PPP2R2B: variants seen among roughly 807,000 people sequenced by gnomAD.
The protein encoded by PPP2R2B is protein phosphatase 2 regulatory subunit Bbeta.
Under a neutral mutation model 46.0 loss-of-function variants are expected in PPP2R2B, and 5 were observed. The observed-to-expected ratio is 0.11, with a 90% CI of 0.06 to 0.23. PPP2R2B has a LOEUF of 0.23. Among genes scored for constraint, PPP2R2B ranks in the 10% least tolerant of loss-of-function variants. The pLI is 1.00. For missense variants in PPP2R2B, 367 were observed against 575.0 expected (o/e 0.64, Z 3.70); for synonymous variants, 215 against 206.7 (o/e 1.04, Z -0.34).
intron 2 of PPP2R2B, among the ~76,000 whole-genome samples, chr5:146,850,676 A>G (rs1168946014): frequency 6.6e-6 from 1 of 152,178 alleles, no homozygotes; most frequent in African/African-American, 2.4e-5. Flanking sequence ...TTCCCTGTCT[A>G]GGTCCAATAA....
At chr5:146,807,168 C>A (rs760943917) in intron 2 of PPP2R2B, among the ~76,000 whole-genome samples, 11 of 152,166 alleles carry the variant, frequency 7.2e-5, no homozygotes, top group Admixed American at 2.6e-4. Context: ...TACATGAAAG[C>A]TTAAGAATCA....
chr5:146,931,096 A>T (rs1183669767), intron 1 of PPP2R2B, among the ~76,000 whole-genome samples: 1 of 152,018 alleles, frequency 6.6e-6, no homozygotes, highest in Non-Finnish European at 1.5e-5. Flanking sequence ...CTATAGTTCT[A>T]TACTCTATAC....
At chr5:146,800,885 AATGG>A (rs940168522) in intron 2 of PPP2R2B, among the ~76,000 whole-genome samples, 35 of 152,070 alleles carry the variant, frequency 2.3e-4, no homozygotes, top group Admixed American at 1.5e-3. Context: ...TCAACAGATG[AATGG>A]ATGAAGAAAA....
chr5:146,771,991 T>C (rs1465787482), intron 2 of PPP2R2B, among the ~76,000 whole-genome samples: 1 of 152,174 alleles, frequency 6.6e-6, no homozygotes, highest in Non-Finnish European at 1.5e-5. Flanking sequence ...CACTTGCACA[T>C]GTACACAGAG....
chr5:147,009,908 T>C (rs1418278626), intron 1 of PPP2R2B, among the ~76,000 whole-genome samples: 1 of 150,092 alleles, frequency 6.7e-6, no homozygotes, highest in African/African-American at 2.5e-5. Flanking sequence ...CATATATATA[T>C]AGGACCTGGA....
At chr5:146,901,279 C>A (rs1335105232) in intron 1 of PPP2R2B, among the ~76,000 whole-genome samples, 2 of 152,096 alleles carry the variant, frequency 1.3e-5, no homozygotes, top group African/African-American at 4.8e-5. Context: ...GTGGGAGGAT[C>A]CCTTGAGCCC....
chr5:146,976,883 A>G (rs1752936248), intron 1 of PPP2R2B, among the ~76,000 whole-genome samples: 1 of 152,132 alleles, frequency 6.6e-6, no homozygotes. Context: ...CTTCCTACCC[A>G]TCACTCCCAT....
At chr5:146,659,139 T>C (rs1235117749) in intron 5 of PPP2R2B, among the ~76,000 whole-genome samples, 1 of 152,214 alleles carries the variant, frequency 6.6e-6, no homozygotes, top group Admixed American at 6.5e-5. Context: ...AAAAAATTTG[T>C]TCACATATTC....
At chr5:146,756,105 G>A (rs74460028) in intron 2 of PPP2R2B, among the ~76,000 whole-genome samples, 16,307 of 152,208 alleles carry the variant, frequency 0.11, 1,130 homozygotes, top group African/African-American at 0.2. Flanking sequence ...CAAACCAGAG[G>A]CATTTCCTTC....
rs573097994 is a variant in PPP2R2B at position 147,013,290 on chromosome 5, G to A, written c.79+42375C>T. On this transcript the variant is annotated intron_variant, in intron 1 of 8. Transcript: ENST00000336640. ...CTCATGGGTAGGAAGAATTGATATC[G>A]TGAAAATGGCCATACTGCCCAAGGT... Among the ~76,000 whole-genome samples, 81 of 106,428 alleles carry A rather than the reference G, an allele frequency of 7.6e-4. 17 individuals are homozygous for A. Among genetic ancestry groups the A allele is most frequent in the African/African-American group, 2.0e-3 (70 of 35,048 alleles). 69.8% of individuals were successfully genotyped at this position (106,428 alleles called of 152,430 possible). A position where few individuals can be genotyped will look rare whatever the true frequency, so the allele number is the denominator to read the frequency against.
chr5:146,778,466 A>T (rs992201888), intron 2 of PPP2R2B, among the ~76,000 whole-genome samples: 17 of 152,120 alleles, frequency 1.1e-4, no homozygotes, highest in African/African-American at 3.9e-4. Flanking sequence ...TATGCAGCCT[A>T]CTCAGAGGCA....
intron 1 of PPP2R2B, among the ~76,000 whole-genome samples, chr5:147,000,141 A>T (rs1754101636): frequency 1.3e-5 from 2 of 152,172 alleles, no homozygotes; most frequent in African/African-American, 4.8e-5. Context: ...TTCTATTTAC[A>T]TTTTGACATT....
At chr5:146,994,447 T>C (rs1040587382) in intron 1 of PPP2R2B, among the ~76,000 whole-genome samples, 1 of 152,062 alleles carries the variant, frequency 6.6e-6, no homozygotes, top group Non-Finnish European at 1.5e-5. Context: ...GAAATATTGG[T>C]AGGGGAGTAG....
chr5:146,606,285 C>G (rs986065360), intron 7 of PPP2R2B, among the ~76,000 whole-genome samples: 1 of 152,136 alleles, frequency 6.6e-6, no homozygotes, highest in African/African-American at 2.4e-5. Flanking sequence ...TTCACAGGAA[C>G]TCATGCCCAT....
At chr5:146,625,789 C>T (rs1056152219) in intron 7 of PPP2R2B, among the ~76,000 whole-genome samples, 1 of 152,158 alleles carries the variant, frequency 6.6e-6, no homozygotes, top group Admixed American at 6.5e-5. Context: ...AATTATGATG[C>T]TAATCAGCTG....
chr5:146,597,536 A>G (rs1771298729), intron 8 of PPP2R2B, among the ~76,000 whole-genome samples: 1 of 152,118 alleles, frequency 6.6e-6, no homozygotes, highest in African/African-American at 2.4e-5. Flanking sequence ...CATTGTACTC[A>G]TTTGGCAAAA....
chr5:146,641,231 G>A (rs1371796135), intron 6 of PPP2R2B, among the ~76,000 whole-genome samples: 1 of 152,140 alleles, frequency 6.6e-6, no homozygotes, highest in African/African-American at 2.4e-5. Context: ...AATTACTCAA[G>A]GTTATGTGAC....
At chr5:146,683,293 T>C (rs554285464) in intron 5 of PPP2R2B, among the ~76,000 whole-genome samples, 2 of 152,326 alleles carry the variant, frequency 1.3e-5, no homozygotes, top group South Asian at 2.1e-4. Context: ...CATATGTGTT[T>C]TGGCTTACAC....
At chr5:146,847,234 G>C (rs910698620) in intron 2 of PPP2R2B, among the ~76,000 whole-genome samples, 3 of 152,096 alleles carry the variant, frequency 2.0e-5, no homozygotes, top group Non-Finnish European at 4.4e-5. Flanking sequence ...TGACCTGCCT[G>C]TAGTTGTCCA....
Sources: allele counts gnomAD v4.1 joint callset (sites outside exome capture counted in the v4.1 genomes callset), GRCh38; gene constraint gnomAD v4.1.1; transcripts MANE v1.5; gene names NCBI Gene and HGNC (gene_info 2026-07-23, HGNC 2026-07-21).